Variants in FAT3 observed in about 807,000 individuals in gnomAD.
FAT3 encodes the protein protocadherin Fat 3.
FAT3 carries 95 observed loss-of-function variants against 310.2 expected under a neutral mutation model. That is an observed-to-expected ratio of 0.31 (90% confidence interval 0.26 to 0.36). The LOEUF is 0.36. Among genes scored for constraint, FAT3 ranks in the 10% least tolerant of loss-of-function variants. FAT3 has a pLI of 1.00. For missense variants in FAT3, 5,408 were observed against 5,715.6 expected, an observed-to-expected ratio of 0.95 and a Z score of 1.74; for synonymous variants, 2,314 against 2,192.9, an observed-to-expected ratio of 1.06 and a Z score of -1.54.
At chr11:92,391,384 C>A (rs550902311) in intron 2 of FAT3, among the ~76,000 whole-genome samples, 1 of 152,284 alleles carries the variant, frequency 6.6e-6, no homozygotes, top group South Asian at 2.1e-4. Context: ...GGTTAGGTGT[C>A]CCCTTGTTCT....
chr11:92,591,285 A>G (rs1362148522), intron 3 of FAT3, among the ~76,000 whole-genome samples: 1 of 152,136 alleles, frequency 6.6e-6, no homozygotes, highest in Non-Finnish European at 1.5e-5. Flanking sequence ...TAAGACCAGG[A>G]TAGCTGATGG....
rs1428726188 is a variant in FAT3, at chr11:92,895,043, G to C, written c.*3930G>C. On this transcript the variant is annotated 3_prime_UTR_variant, in exon 28 of 28. Transcript: ENST00000525166. ...ATTAAAATCCAGAAAACAGTTTTATGTGAAGTAATTCAGGAAGATCTAGTG... is the reference window on the plus strand; with the variant it reads ...ATTAAAATCCAGAAAACAGTTTTATCTGAAGTAATTCAGGAAGATCTAGTG... The C allele has an allele frequency of 6.6e-6, 1 of 152,184 alleles. No homozygotes were observed. The highest frequency in any genetic ancestry group is 1.5e-5 in the Non-Finnish European group (1 of 68,030). 9.4% of individuals were successfully genotyped at this position (152,184 alleles called of 1,614,324 possible).
intron 1 of FAT3, among the ~76,000 whole-genome samples, chr11:92,331,434 A>G (rs1947921720): frequency 6.6e-6 from 1 of 152,018 alleles, no homozygotes; most frequent in Non-Finnish European, 1.5e-5. Context: ...GAAGCACATG[A>G]AATGCAGATA....
At chr11:92,836,726 C>G in intron 16 of FAT3, 23 bp downstream of exon 16, 1 of 1,605,112 alleles carries the variant, frequency 6.2e-7, no homozygotes, top group Admixed American at 1.7e-5. Flanking sequence ...AGGACAGTTT[C>G]CTTCCCATCC....
chr11:92,879,772 A>C (rs937471460), intron 22 of FAT3, among the ~76,000 whole-genome samples: 1 of 152,214 alleles, frequency 6.6e-6, no homozygotes, highest in South Asian at 2.1e-4. Flanking sequence ...TAACACTAAA[A>C]TAATCACAAA....
chr11:92,890,141 C>G (rs756872357), intron 27 of FAT3, among the ~76,000 whole-genome samples: 5 of 152,202 alleles, frequency 3.3e-5, no homozygotes, highest in Admixed American at 6.5e-5. Flanking sequence ...TGATGGACCT[C>G]TCTGCAAGCA....
At chr11:92,640,787 T>C (rs568343096) in intron 3 of FAT3, among the ~76,000 whole-genome samples, 10 of 152,352 alleles carry the variant, frequency 6.6e-5, no homozygotes, top group African/African-American at 2.4e-4. Flanking sequence ...TCCCATTTTA[T>C]GGGCCCCAAT....
intron 1 of FAT3, among the ~76,000 whole-genome samples, chr11:92,234,505 G>A (rs1189896963): frequency 2.0e-5 from 3 of 152,130 alleles, no homozygotes; most frequent in African/African-American, 7.2e-5. Context: ...GGTGGCTCAC[G>A]CCTGTAATCC....
At chr11:92,874,384 A>T (rs7125378) in intron 22 of FAT3, among the ~76,000 whole-genome samples, 113,187 of 152,104 alleles carry the variant, frequency 0.74, 42,817 homozygotes, top group Middle Eastern at 0.86. Context: ...ATCTCACTGT[A>T]TCTTATCTGC....
At chr11:92,583,834 A>G (rs1229963008) in intron 3 of FAT3, among the ~76,000 whole-genome samples, 3 of 149,956 alleles carry the variant, frequency 2.0e-5, no homozygotes, top group African/African-American at 7.3e-5. Context: ...AGGGTAGCTG[A>G]CTCTACTCGC....
chr11:92,703,838 A>G (rs1944177866), intron 4 of FAT3, among the ~76,000 whole-genome samples: 2 of 152,358 alleles, frequency 1.3e-5, no homozygotes, highest in South Asian at 2.1e-4. Flanking sequence ...AAGGTCTCCT[A>G]GAGTACTAAA....
intron 19 of FAT3, among the ~76,000 whole-genome samples, chr11:92,854,282 G>A (rs1052644639): frequency 1.3e-5 from 2 of 152,196 alleles, no homozygotes; most frequent in African/African-American, 2.4e-5. Context: ...AGGCACTTCT[G>A]AGCTTGCAGG....
chr11:92,310,692 T>C (rs1214405398), intron 1 of FAT3, among the ~76,000 whole-genome samples: 7 of 152,092 alleles, frequency 4.6e-5, no homozygotes, highest in Non-Finnish European at 2.9e-5. Context: ...TGTATATACA[T>C]GTATATACAC....
chr11:92,628,664 G>A (rs1172607701), intron 3 of FAT3, among the ~76,000 whole-genome samples: 2 of 152,210 alleles, frequency 1.3e-5, no homozygotes, highest in African/African-American at 2.4e-5. Context: ...CCAAAAGGCG[G>A]TGTTTCCATG....
intron 4 of FAT3, among the ~76,000 whole-genome samples, chr11:92,746,958 C>A (rs1352346033): frequency 6.6e-6 from 1 of 152,212 alleles, no homozygotes; most frequent in Non-Finnish European, 1.5e-5. Flanking sequence ...TCCCTCCTGA[C>A]TGCTTTCATG....
At chr11:92,702,820 A>C (rs976922618) in intron 4 of FAT3, among the ~76,000 whole-genome samples, 1 of 152,230 alleles carries the variant, frequency 6.6e-6, no homozygotes, top group African/African-American at 2.4e-5. Flanking sequence ...TTCTGATAAA[A>C]GTCTCCCAAA....
chr11:92,413,132 T>C (rs1188733881), intron 2 of FAT3, among the ~76,000 whole-genome samples: 2 of 152,186 alleles, frequency 1.3e-5, no homozygotes, highest in Non-Finnish European at 2.9e-5. Flanking sequence ...ACTGATCTTC[T>C]TACAGTTTCC....
At chr11:92,378,560 A>G (rs566896128) in intron 2 of FAT3, among the ~76,000 whole-genome samples, 4 of 152,182 alleles carry the variant, frequency 2.6e-5, no homozygotes, top group African/African-American at 9.6e-5. Context: ...AAGGGCCTTG[A>G]TTTTCACCAT....
At chr11:92,623,770 C>T (rs934987137) in intron 3 of FAT3, among the ~76,000 whole-genome samples, 4 of 151,962 alleles carry the variant, frequency 2.6e-5, no homozygotes, top group East Asian at 1.9e-4. Flanking sequence ...GGTGAAACCC[C>T]GTCTCTACTA....
Sources: allele counts gnomAD v4.1 joint callset (sites outside exome capture counted in the v4.1 genomes callset), GRCh38; gene constraint gnomAD v4.1.1; transcripts MANE v1.5; gene names NCBI Gene and HGNC (gene_info 2026-07-23, HGNC 2026-07-21).